NUDT6: variants seen among roughly 807,000 people sequenced by gnomAD.
NUDT6 encodes the protein nudix hydrolase 6.
In NUDT6, 24 loss-of-function variants were observed where a neutral mutation model predicts 36.8. That is an observed-to-expected ratio of 0.65 (90% CI 0.47 to 0.92). The LOEUF is 0.92. Among genes scored for constraint, NUDT6 ranks in the 40% least tolerant of loss-of-function variants. The pLI is 0.00. For missense variants in NUDT6, 388 were observed against 392.8 expected, an observed-to-expected ratio of 0.99 and a Z score of 0.10; for synonymous variants, 163 against 157.0, an observed-to-expected ratio of 1.04 and a Z score of -0.29.
At chr4:122,921,646 A>G (rs1261200284) in intron 1 of NUDT6, 1 of 149,930 alleles carries the variant, frequency 6.7e-6, no homozygotes, top group Non-Finnish European at 1.5e-5. Context: ...AATAACTAAG[A>G]GTAACTGGAT....
intron 3 of NUDT6, among the ~76,000 whole-genome samples, chr4:122,905,445 C>T (rs1261419407): frequency 6.6e-6 from 1 of 152,006 alleles, no homozygotes; most frequent in South Asian, 2.1e-4. Context: ...ACATTTGGAT[C>T]TTTTGTTATT....
At chr4:122,905,752 A>C (rs745770283) in intron 3 of NUDT6, among the ~76,000 whole-genome samples, 15 of 152,160 alleles carry the variant, frequency 9.9e-5, no homozygotes, top group Non-Finnish European at 2.1e-4. Flanking sequence ...AGTTTCTTCA[A>C]ATCCTTTAAC....
intron 2 of NUDT6, chr4:122,913,100 A>T (rs1198295894): frequency 6.4e-6 from 1 of 156,540 alleles, no homozygotes; most frequent in African/African-American, 2.4e-5. Flanking sequence ...AAGCTGTACC[A>T]CCACCTCATC....
intron 3 of NUDT6, among the ~76,000 whole-genome samples, chr4:122,904,136 T>C (rs1407001990): frequency 6.6e-6 from 1 of 151,916 alleles, no homozygotes; most frequent in Admixed American, 6.6e-5. Flanking sequence ...TGAGTAGGAG[T>C]GGGGGATTGA....
chr4:122,893,382 A>G, intron 4 of NUDT6, 157 bp from the exon 5 acceptor site: 1 of 590,914 alleles, frequency 1.7e-6, no homozygotes, highest in Non-Finnish European at 2.7e-6. Flanking sequence ...GTGGATATCA[A>G]GAAATCCCAA....
intron 4 of NUDT6, chr4:122,896,162 G>T (rs1446860801): frequency 2.0e-5 from 3 of 150,976 alleles, no homozygotes; most frequent in African/African-American, 7.3e-5. Context: ...TAGGTGAGTT[G>T]TTGTGACAAC....
rs1204436944 is a variant in NUDT6 at position 122,904,183 on chromosome 4, A to ATGC, written c.499-6506_499-6505insGCA. 2.0e-5 allele frequency among the ~76,000 whole-genome samples: 3 copies of ATGC among 152,172 alleles called. No individual in the cohort carries two copies. The East Asian group carries it at 5.8e-4, about 29-fold the overall frequency. On this transcript the variant is annotated intron_variant, in intron 3 of 4. Coordinates refer to ENST00000304430, the MANE Select transcript of NUDT6 (RefSeq NM_007083.5). The stretch of plus-strand genomic sequence containing the variant: ...AAGCTTTCAGCCAGGAAGGAGACTG[A>ATGC]CCATTAGCACCTAGATGAGAAATTG...
At position 122,892,850 on chromosome 4, in the gene NUDT6, T is replaced by G. The variant is rs1285992854; in HGVS notation, c.929A>C (p.Lys310Thr). The part of the protein sequence containing the change: ...LYHKELPENY[K>T]TMKGID ...AATTTAATCAATTCCTTTCATAGTT[T>G]TATAATTCTCTGGCAGTTCCTTATG... Residue 310 changes from lysine (K) to threonine (T), a missense_variant, in exon 5 of 5, where the codon AAA becomes ACA. Lys to Thr is a moderately conservative substitution (Grantham distance 78). Coordinates refer to ENST00000304430, the MANE Select transcript of NUDT6 (RefSeq NM_007083.5). 1.9e-6 allele frequency: 3 copies of G among 1,606,054 alleles called. No homozygotes were observed. In the South Asian group the frequency reaches 3.4e-5, roughly 18 times the overall value.
chr4:122,904,464 AT>A lies in NUDT6; in HGVS notation c.499-6787del, dbSNP rs34200937. ...TTTTCTTCCCCACCTACTTTCTATAATTTTTTTTTTTTTAGACAGAGTCTTG... is the reference window on the plus strand; with the variant it reads ...TTTTCTTCCCCACCTACTTTCTATAATTTTTTTTTTTTAGACAGAGTCTTG... On this transcript the variant is annotated intron_variant, in intron 3 of 4. Coordinates refer to ENST00000304430, the MANE Select transcript of NUDT6 (RefSeq NM_007083.5). 5.5e-3 allele frequency among the ~76,000 whole-genome samples: 810 copies of A among 146,104 alleles called. 4 individuals are homozygous for A. The highest frequency in any genetic ancestry group is 0.015 in the African/African-American group (607 of 40,106).
At chr4:122,896,167 G>C (rs891834290) in intron 4 of NUDT6, 3 of 150,416 alleles carry the variant, frequency 2.0e-5, no homozygotes, top group Non-Finnish European at 4.4e-5. Flanking sequence ...GAGTTGTTGT[G>C]ACAACCACAA....
chr4:122,910,728 T>A (rs984084946), intron 3 of NUDT6, among the ~76,000 whole-genome samples: 5 of 152,340 alleles, frequency 3.3e-5, no homozygotes, highest in African/African-American at 1.2e-4. Context: ...AATTAAGTAT[T>A]ACAATATTTT....
chr4:122,897,887 TTTCTC>T (rs1442385785), intron 3 of NUDT6: 2 of 551,574 alleles, frequency 3.6e-6, no homozygotes, highest in South Asian at 2.4e-5. Context: ...TTTCCCACCT[TTTCTC>T]TTCAGGAAAT....
chr4:122,910,147 C>A (rs1185543136), intron 3 of NUDT6, among the ~76,000 whole-genome samples: 2 of 152,212 alleles, frequency 1.3e-5, no homozygotes, highest in African/African-American at 4.8e-5. Context: ...ATAGTTTTCA[C>A]TATTACCCTG....
chr4:122,896,700 G>C (rs1727367365), intron 4 of NUDT6: 1 of 152,104 alleles, frequency 6.6e-6, no homozygotes, highest in African/African-American at 2.4e-5. Flanking sequence ...TTACGAGTTG[G>C]CTATATAATG....
chr4:122,900,049 C>G (rs1395948220), intron 3 of NUDT6, among the ~76,000 whole-genome samples: 1 of 81,920 alleles, frequency 1.2e-5, no homozygotes, highest in African/African-American at 5.8e-5. Flanking sequence ...TGGTCATGCA[C>G]CCCCGCCACC....
intron 3 of NUDT6, among the ~76,000 whole-genome samples, chr4:122,912,251 T>G (rs147986598): frequency 6.6e-6 from 1 of 152,186 alleles, no homozygotes; most frequent in Non-Finnish European, 1.5e-5. Flanking sequence ...TAGAAACTCA[T>G]TGAATGCTGA....
intron 3 of NUDT6, among the ~76,000 whole-genome samples, chr4:122,903,477 G>C (rs1727563631): frequency 1.3e-5 from 2 of 152,212 alleles, no homozygotes. Context: ...ACACAGAATT[G>C]CTGGGCTTTA....
At chr4:122,919,374 G>C (rs1198475699) in intron 1 of NUDT6, 2 of 152,242 alleles carry the variant, frequency 1.3e-5, no homozygotes, top group East Asian at 3.8e-4. Flanking sequence ...GTGCCACCAT[G>C]CCCAGCTAAG....
intron 3 of NUDT6, among the ~76,000 whole-genome samples, chr4:122,901,406 T>C (rs1001314500): frequency 2.0e-5 from 3 of 152,218 alleles, no homozygotes; most frequent in African/African-American, 4.8e-5. Context: ...GTGAATGGTA[T>C]GACAATTTTC....
Sources: gnomAD v4.1 joint callset for allele counts (sites outside exome capture counted in the v4.1 genomes callset) on GRCh38, gnomAD v4.1.1 for gene constraint, MANE v1.5 for transcripts, NCBI Gene and HGNC (gene_info 2026-07-23, HGNC 2026-07-21) for gene names.